SMG6: variants seen among roughly 807,000 people sequenced by gnomAD.
SMG6 encodes the protein telomerase-binding protein EST1A.
A neutral mutation model predicts 142.2 loss-of-function variants in SMG6; 66 were observed. The observed-to-expected ratio is 0.46, with a 90% CI of 0.38 to 0.57. SMG6 has a LOEUF of 0.57. SMG6 is among the 20% of genes least tolerant of loss of function. The pLI is 0.00. For synonymous variants in SMG6, 779 were observed against 702.4 expected (o/e 1.11, Z -1.72); for missense variants, 1,793 against 1,832.0 (o/e 0.98, Z 0.39).
intron 8 of SMG6, among the ~76,000 whole-genome samples, chr17:2,275,412 ACT>A (rs2074628053): frequency 6.6e-6 from 1 of 152,176 alleles, no homozygotes; most frequent in Admixed American, 6.5e-5. Flanking sequence ...ACAGAGCGAG[ACT>A]CTGTCACAAA....
intron 13 of SMG6, among the ~76,000 whole-genome samples, chr17:2,094,301 G>A (rs2068800265): frequency 1.3e-5 from 2 of 152,026 alleles, no homozygotes; most frequent in East Asian, 1.9e-4. Context: ...CCCAGGCTGC[G>A]GTGCAGTGGC....
At chr17:2,278,359 T>C (rs536855742) in intron 8 of SMG6, among the ~76,000 whole-genome samples, 2 of 152,100 alleles carry the variant, frequency 1.3e-5, no homozygotes, top group South Asian at 2.1e-4. Flanking sequence ...GACACCACTA[T>C]GCCCAGGTAA....
intron 16 of SMG6, chr17:2,065,888 CT>C (rs1423035922): frequency 3.7e-5 from 22 of 589,492 alleles, no homozygotes; most frequent in Non-Finnish European, 6.1e-5. Flanking sequence ...CTTTCTGTCT[CT>C]TCTCCTGGGC....
rs572990577 is a variant in SMG6, at chr17:2,209,847, A to G, written c.2870-21332T>C. 7.2e-4 allele frequency among the ~76,000 whole-genome samples: 110 copies of G among 152,184 alleles called. 1 individual carries two copies. Among genetic ancestry groups the G allele is most frequent in the Non-Finnish European group, 1.3e-3 (91 of 68,040 alleles). On this transcript the variant is annotated intron_variant, in intron 10 of 18. Coordinates refer to ENST00000263073, the MANE Select transcript of SMG6 (RefSeq NM_017575.5). The stretch of plus-strand genomic sequence containing the variant: ...TATATGTATACAAAAGTGACACAAC[A>G]ATTAAAGCTACCATTTACTGAACCC...
In SMG6 at chr17:2,283,692, G is replaced by T; in HGVS notation, c.2381C>A (p.Ala794Asp). 6.2e-7 allele frequency: 1 copy of T among 1,614,134 alleles called. No homozygotes were observed. Among genetic ancestry groups the T allele is most frequent in the Non-Finnish European group, 8.5e-7 (1 of 1,180,028 alleles). ...GGCAGTCAGGATAGGGTTGCTGGCA[G>T]CTAAACTGCGCATATAGTAATAGAC... ...DAVYYYMRSL[A>D]ASNPILTAKE... Residue 794 changes from alanine to aspartate, a missense_variant, in exon 7 of 19, where the codon GCT (alanine) becomes GAT (aspartate). This residue lies in a region of SMG6 where 1,597 missense variants were observed against 1,584.6 expected (regional missense o/e 1.01). Coordinates refer to ENST00000263073, the MANE Select transcript of SMG6 (RefSeq NM_017575.5).
intron 13 of SMG6, chr17:2,127,326 G>A (rs956528676): frequency 1.1e-5 from 5 of 457,078 alleles, no homozygotes; most frequent in South Asian, 1.9e-5. Context: ...AGTGATGGTC[G>A]CACAACACTG....
intron 8 of SMG6, among the ~76,000 whole-genome samples, chr17:2,249,088 T>C (rs1383446100): frequency 6.7e-6 from 1 of 149,886 alleles, no homozygotes; most frequent in Non-Finnish European, 1.5e-5. Flanking sequence ...AGAGATGGGG[T>C]TTCACCGTGT....
At chr17:2,209,584 G>C (rs930281689) in intron 10 of SMG6, among the ~76,000 whole-genome samples, 8 of 152,104 alleles carry the variant, frequency 5.3e-5, no homozygotes, top group Non-Finnish European at 1.2e-4. Context: ...GGCTGGTCTT[G>C]AACTCCTGGC....
chr17:2,140,006 G>A (rs902714169), intron 13 of SMG6, among the ~76,000 whole-genome samples: 1 of 151,850 alleles, frequency 6.6e-6, no homozygotes, highest in Non-Finnish European at 1.5e-5. Flanking sequence ...GATTACAGGC[G>A]TGAGCCACCA....
intron 10 of SMG6, among the ~76,000 whole-genome samples, chr17:2,203,321 C>A (rs2072587379): frequency 6.6e-6 from 1 of 152,192 alleles, no homozygotes; most frequent in African/African-American, 2.4e-5. Flanking sequence ...AGAGCTGCTG[C>A]CAGCAGAATA....
intron 13 of SMG6, among the ~76,000 whole-genome samples, chr17:2,129,090 G>A (rs2070012525): frequency 6.6e-6 from 1 of 152,204 alleles, no homozygotes; most frequent in Non-Finnish European, 1.5e-5. Flanking sequence ...GCTCACACCT[G>A]TAATCCCAGC....
chr17:2,253,395 G>A (rs776190877), intron 8 of SMG6, among the ~76,000 whole-genome samples: 2 of 151,840 alleles, frequency 1.3e-5, no homozygotes, highest in Non-Finnish European at 2.9e-5. Flanking sequence ...CGCCCGCCTC[G>A]GTCTCCCAAA....
chr17:2,235,284 G>A (rs1008838669), intron 10 of SMG6, among the ~76,000 whole-genome samples: 2 of 152,150 alleles, frequency 1.3e-5, no homozygotes, highest in African/African-American at 4.8e-5. Flanking sequence ...AATTCTAAAC[G>A]CTGTAGCAGG....
intron 10 of SMG6, among the ~76,000 whole-genome samples, chr17:2,203,558 A>G (rs2072594731): frequency 6.6e-6 from 1 of 152,248 alleles, no homozygotes; most frequent in African/African-American, 2.4e-5. Context: ...CAAGACAGGT[A>G]GTCCCTATGG....
chr17:2,088,327 C>A, intron 13 of SMG6: 3 of 985,370 alleles, frequency 3.0e-6, no homozygotes, highest in Non-Finnish European at 2.4e-6. Flanking sequence ...ACAGCAGGAC[C>A]CAGGGATGTG....
At chr17:2,090,365 C>A (rs750603372) in intron 13 of SMG6, among the ~76,000 whole-genome samples, 1 of 151,764 alleles carries the variant, frequency 6.6e-6, no homozygotes, top group African/African-American at 2.4e-5. Context: ...TAAGAGAGAA[C>A]GGGAACTAAG....
At chr17:2,114,482 G>A (rs1434057141) in intron 13 of SMG6, among the ~76,000 whole-genome samples, 1 of 152,170 alleles carries the variant, frequency 6.6e-6, no homozygotes, top group African/African-American at 2.4e-5. Context: ...AAGTCTAACA[G>A]TGGGTGGAAC....
intron 15 of SMG6, among the ~76,000 whole-genome samples, chr17:2,077,363 G>A (rs375935066): frequency 3.9e-5 from 6 of 152,322 alleles, no homozygotes; most frequent in South Asian, 2.1e-4. Context: ...AGAGGCAGAC[G>A]GATTCCTCCT....
chr17:2,302,670 A>G (rs2075309665), intron 1 of SMG6, among the ~76,000 whole-genome samples: 1 of 152,248 alleles, frequency 6.6e-6, no homozygotes. Context: ...GGTGTAAGGA[A>G]AAGGGGAAGA....
Sources: allele counts gnomAD v4.1 joint callset (sites outside exome capture counted in the v4.1 genomes callset), GRCh38; gene constraint gnomAD v4.1.1; regional missense constraint gnomAD v4.1.1; transcripts MANE v1.5; gene names NCBI Gene and HGNC (gene_info 2026-07-23, HGNC 2026-07-21).